The following CDH12 variants were observed in gnomAD, a reference collection of about 807,000 sequenced individuals.
CDH12 encodes the protein cadherin-12.
CDH12 carries 41 observed loss-of-function variants against 74.1 expected under a neutral mutation model. That is an observed-to-expected ratio of 0.55 (90% CI 0.43 to 0.72). CDH12 has a LOEUF of 0.72. Among genes scored for constraint, CDH12 ranks in the 30% least tolerant of loss-of-function variants. The probability of loss-of-function intolerance (pLI) is 0.00; values close to 1 mark genes in which losing one functional copy is unlikely to be tolerated. For synonymous variants in CDH12, 399 were observed against 355.0 expected, an observed-to-expected ratio of 1.12 and a Z score of -1.39; for missense variants, 945 against 977.2, an observed-to-expected ratio of 0.97 and a Z score of 0.44.
At chr5:22,010,258 T>A (rs1339185030) in intron 5 of CDH12, among the ~76,000 whole-genome samples, 1 of 152,304 alleles carries the variant, frequency 6.6e-6, no homozygotes, top group East Asian at 1.9e-4. Flanking sequence ...AATTAATGGA[T>A]TGTAAAATTT....
At chr5:21,820,489 T>C (rs1031387356) in intron 8 of CDH12, among the ~76,000 whole-genome samples, 1 of 152,040 alleles carries the variant, frequency 6.6e-6, no homozygotes, top group African/African-American at 2.4e-5. Context: ...TAAGTTTTAG[T>C]GCATGTGAAA....
At chr5:21,833,321 A>G (rs1183355166) in intron 8 of CDH12, among the ~76,000 whole-genome samples, 1 of 44,042 alleles carries the variant, frequency 2.3e-5, no homozygotes, top group Non-Finnish European at 3.1e-5. Context: ...TATGTTATAT[A>G]ATATATATTA....
At chr5:22,325,831 C>G (rs942508749) in intron 3 of CDH12, among the ~76,000 whole-genome samples, 1 of 152,014 alleles carries the variant, frequency 6.6e-6, no homozygotes, top group African/African-American at 2.4e-5. Context: ...TGGTGTGAAC[C>G]CGGGAGGCGG....
intron 6 of CDH12, among the ~76,000 whole-genome samples, chr5:21,898,179 C>T (rs1299953078): frequency 6.6e-6 from 1 of 151,914 alleles, no homozygotes; most frequent in African/African-American, 2.4e-5. Flanking sequence ...TATGTAGGGC[C>T]TTTTAGTATA....
At chr5:22,615,505 A>T (rs1737648171) in intron 1 of CDH12, among the ~76,000 whole-genome samples, 1 of 152,076 alleles carries the variant, frequency 6.6e-6, no homozygotes, top group Non-Finnish European at 1.5e-5. Context: ...GGGAAATTTT[A>T]GGTCCTAGCA....
At chr5:22,008,979 T>C (rs1285260473) in intron 5 of CDH12, among the ~76,000 whole-genome samples, 1 of 152,214 alleles carries the variant, frequency 6.6e-6, no homozygotes, top group Non-Finnish European at 1.5e-5. Context: ...TTGAATGTTT[T>C]AGTCTCATTT....
chr5:21,904,285 C>G (rs1242445735), intron 6 of CDH12, among the ~76,000 whole-genome samples: 1 of 151,822 alleles, frequency 6.6e-6, no homozygotes, highest in East Asian at 1.9e-4. Flanking sequence ...ATATGCTCCA[C>G]CAAAACGAGG....
chr5:22,510,053 T>G (rs920139887), intron 1 of CDH12, among the ~76,000 whole-genome samples: 3 of 151,316 alleles, frequency 2.0e-5, no homozygotes, highest in Non-Finnish European at 2.9e-5. Context: ...ACACCCTCAA[T>G]GAAACTCAGT....
intron 1 of CDH12, among the ~76,000 whole-genome samples, chr5:22,588,022 T>C (rs759970952): frequency 8.7e-5 from 13 of 149,434 alleles, no homozygotes; most frequent in Non-Finnish European, 8.9e-5. Context: ...AATATATCCA[T>C]ATTATATATA....
chr5:22,167,232 T>C (rs1425036305), intron 4 of CDH12, among the ~76,000 whole-genome samples: 1 of 152,188 alleles, frequency 6.6e-6, no homozygotes, highest in African/African-American at 2.4e-5. Flanking sequence ...AATCTCTCTG[T>C]TTATATTCTG....
intron 4 of CDH12, among the ~76,000 whole-genome samples, chr5:22,198,933 T>C (rs1750771678): frequency 6.6e-6 from 1 of 151,922 alleles, no homozygotes; most frequent in Non-Finnish European, 1.5e-5. Context: ...AAATTCGGCC[T>C]ATTTTTTGTA....
chr5:22,678,608 T>A (rs1741333487), intron 1 of CDH12, among the ~76,000 whole-genome samples: 1 of 152,100 alleles, frequency 6.6e-6, no homozygotes, highest in South Asian at 2.1e-4. Flanking sequence ...ACCTTAAAAA[T>A]CTTTGTTTTT....
intron 11 of CDH12, among the ~76,000 whole-genome samples, chr5:21,780,643 T>C (rs1441312585): frequency 3.3e-5 from 5 of 152,200 alleles, no homozygotes; most frequent in Non-Finnish European, 7.3e-5. Context: ...AACATGTTTA[T>C]GATAAGTAGA....
intron 6 of CDH12, among the ~76,000 whole-genome samples, chr5:21,863,365 T>A (rs1751155584): frequency 6.6e-6 from 1 of 152,152 alleles, no homozygotes; most frequent in African/African-American, 2.4e-5. Flanking sequence ...GATAATTTGT[T>A]CACTCCTCTA....
chr5:22,181,308 C>T (rs1368257115), intron 4 of CDH12, among the ~76,000 whole-genome samples: 1 of 152,104 alleles, frequency 6.6e-6, no homozygotes, highest in African/African-American at 2.4e-5. Flanking sequence ...TGATGACCCC[C>T]TTCACCTAGA....
chr5:22,021,098 G>A (rs988841187), intron 5 of CDH12, among the ~76,000 whole-genome samples: 3 of 152,106 alleles, frequency 2.0e-5, no homozygotes, highest in African/African-American at 7.2e-5. Context: ...CCCATAATGG[G>A]ATATATTGGG....
intron 4 of CDH12, among the ~76,000 whole-genome samples, chr5:22,140,377 C>A (rs988915294): frequency 1.3e-5 from 2 of 151,726 alleles, no homozygotes; most frequent in African/African-American, 2.4e-5. Flanking sequence ...TAAGTAATGC[C>A]AAAAGAATGC....
intron 3 of CDH12, among the ~76,000 whole-genome samples, chr5:22,389,739 C>A (rs1742149550): frequency 6.6e-6 from 1 of 151,294 alleles, no homozygotes; most frequent in African/African-American, 2.4e-5. Flanking sequence ...GCTCCGCCTC[C>A]CGGGTTCACG....
At chr5:22,767,748 T>C (rs1189929834) in intron 1 of CDH12, among the ~76,000 whole-genome samples, 1 of 152,000 alleles carries the variant, frequency 6.6e-6, no homozygotes, top group Non-Finnish European at 1.5e-5. Flanking sequence ...TTTCAAAATA[T>C]ATTGTTTAAA....
Sources: gnomAD v4.1 joint callset for allele counts (sites outside exome capture counted in the v4.1 genomes callset) on GRCh38, gnomAD v4.1.1 for gene constraint, MANE v1.5 for transcripts, NCBI Gene and HGNC (gene_info 2026-07-23, HGNC 2026-07-21) for gene names.